The following UMAD1 variants were observed in gnomAD, a reference collection of about 807,000 sequenced individuals.
The protein encoded by UMAD1 is UBAP1-MVB12-associated (UMA)-domain containing protein 1.
In UMAD1, 8 loss-of-function variants were observed where a neutral mutation model predicts 6.1. That is an observed-to-expected ratio of 1.30 (90% CI 0.76 to 2.35). The LOEUF (loss-of-function observed/expected upper bound fraction) is 2.35. Among genes scored for constraint, UMAD1 ranks in the 30% most tolerant of loss-of-function variants. UMAD1 has a pLI of 0.00. For synonymous variants in UMAD1, 56 were observed against 31.4 expected (o/e 1.78, Z -2.61); for missense variants, 130 against 78.4 (o/e 1.66, Z -2.49).
chr7:7,726,060 C>G (rs1167854376), intron 2 of UMAD1, among the ~76,000 whole-genome samples: 2 of 152,216 alleles, frequency 1.3e-5, no homozygotes, highest in African/African-American at 2.4e-5. Flanking sequence ...TGTACTGATT[C>G]ATGGGCTGTA....
At chr7:7,863,470 G>A (rs936841310) in intron 3 of UMAD1, among the ~76,000 whole-genome samples, 7 of 152,198 alleles carry the variant, frequency 4.6e-5, no homozygotes, top group Admixed American at 3.3e-4. Flanking sequence ...ATGTTGTTTC[G>A]TATAGTACTA....
At chr7:7,677,083 T>A (rs1779759344) in intron 2 of UMAD1, among the ~76,000 whole-genome samples, 1 of 152,144 alleles carries the variant, frequency 6.6e-6, no homozygotes, top group Non-Finnish European at 1.5e-5. Flanking sequence ...CTTGCACACA[T>A]CTGTTTTGTT....
intron 1 of UMAD1, among the ~76,000 whole-genome samples, chr7:7,664,360 C>T (rs560378525): frequency 6.6e-6 from 1 of 152,288 alleles, no homozygotes; most frequent in East Asian, 1.9e-4. Context: ...CTCTAGCATG[C>T]TATTTTACAT....
chr7:7,825,747 G>T (rs191608517), intron 3 of UMAD1, among the ~76,000 whole-genome samples: 178 of 152,192 alleles, frequency 1.2e-3, no homozygotes, highest in Non-Finnish European at 1.8e-3. Flanking sequence ...AAGGAAAAAG[G>T]TGTTTGTGAA....
chr7:7,742,107 G>C lies in UMAD1; in HGVS notation c.83-59563G>C, dbSNP rs1457758731. 2.4e-5 allele frequency: 14 copies of C among 590,122 alleles called. No individual in the cohort carries two copies. In the Admixed American group the frequency reaches 2.4e-4, roughly 10 times the overall value. The allele number at this position is 590,122 out of a possible 1,614,324, so 36.6% of individuals were successfully genotyped here. On this transcript the variant is annotated intron_variant, in intron 2 of 3. Transcript: ENST00000682710. ...CGCTTGTTGATATGATGAAAGTTTG[G>C]CAACATCCAAAGCATCGTAATCAGG... is the stretch of plus-strand genomic sequence containing the variant.
rs542446409 is a variant in UMAD1 at position 7,877,616 on chromosome 7, G to A, written c.*78G>A. 1.5e-4 allele frequency: 103 copies of A among 666,594 alleles called. No homozygotes were observed. The highest frequency in any genetic ancestry group is 1.2e-3 in the Middle Eastern group (5 of 4,190). The allele number at this position is 666,594 out of a possible 1,614,324, so 41.3% of individuals were successfully genotyped here. On this transcript the variant is annotated 3_prime_UTR_variant, in exon 4 of 4. Transcript: ENST00000682710. The stretch of plus-strand genomic sequence containing the variant: ...TCTAACCTGTTTGATGTTCTTTGCC[G>A]TTTCACTGTTTAAGGTCCTCAGCAA...
Position 7,801,656 on chromosome 7 carries a change from A to C in UMAD1, c.83-14A>C, listed in dbSNP as rs1339533780. ...GGTCAAGTTTTAAAAATAGACATAT[A>C]TTTTACTTCATAGGAGATACAACAG... On this transcript the variant is annotated splice_polypyrimidine_tract_variant and intron_variant, in intron 2 of 3. Transcript: ENST00000682710. The C allele has an allele frequency of 2.8e-6, 2 of 715,726 alleles. No individual in the cohort carries two copies. Among genetic ancestry groups the C allele is most frequent in the Admixed American group, 4.0e-5 (2 of 49,386 alleles). 44.3% of individuals were successfully genotyped at this position (715,726 alleles called of 1,614,324 possible).
chr7:7,702,791 G>A (rs1277394878), intron 2 of UMAD1, among the ~76,000 whole-genome samples: 1 of 150,722 alleles, frequency 6.6e-6, no homozygotes, highest in Non-Finnish European at 1.5e-5. Context: ...GGTTTTTGTT[G>A]TTGTTGTTGT....
chr7:7,652,330 T>C (rs1785241687), intron 1 of UMAD1, among the ~76,000 whole-genome samples: 1 of 152,240 alleles, frequency 6.6e-6, no homozygotes, highest in African/African-American at 2.4e-5. Context: ...GAAGTTTGAC[T>C]CAGACTTTGA....
intron 3 of UMAD1, among the ~76,000 whole-genome samples, chr7:7,810,331 C>G (rs1782998327): frequency 3.3e-5 from 5 of 151,968 alleles, no homozygotes; most frequent in Admixed American, 3.3e-4. Flanking sequence ...TGTTAATATA[C>G]TTTGACAGTA....
chr7:7,838,027 A>G (rs1308873991), intron 3 of UMAD1, among the ~76,000 whole-genome samples: 3 of 152,184 alleles, frequency 2.0e-5, no homozygotes, highest in African/African-American at 7.2e-5. Context: ...ACAGACTAAA[A>G]TTATATAAAG....
intron 2 of UMAD1, among the ~76,000 whole-genome samples, chr7:7,762,076 A>G (rs1371942675): frequency 6.6e-6 from 1 of 152,214 alleles, no homozygotes; most frequent in African/African-American, 2.4e-5. Flanking sequence ...AGAAAGTAGA[A>G]ACCTATCCTA....
chr7:7,813,483 C>T (rs1021140074), intron 3 of UMAD1, among the ~76,000 whole-genome samples: 1 of 152,182 alleles, frequency 6.6e-6, no homozygotes, highest in Non-Finnish European at 1.5e-5. Flanking sequence ...GGATTACAGG[C>T]ATGAGTGACT....
At chr7:7,806,266 C>G (rs978215522) in intron 3 of UMAD1, among the ~76,000 whole-genome samples, 1 of 151,286 alleles carries the variant, frequency 6.6e-6, no homozygotes, top group African/African-American at 2.4e-5. Context: ...TACTTCCCCC[C>G]TCTAAAATCC....
chr7:7,788,871 T>C (rs1020079685), intron 2 of UMAD1, among the ~76,000 whole-genome samples: 3 of 152,244 alleles, frequency 2.0e-5, no homozygotes, highest in Admixed American at 6.5e-5. Context: ...CTAGGTATTT[T>C]GCTCTAGATC....
At chr7:7,861,444 G>A (rs1784113952) in intron 3 of UMAD1, among the ~76,000 whole-genome samples, 1 of 152,142 alleles carries the variant, frequency 6.6e-6, no homozygotes, top group Non-Finnish European at 1.5e-5. Flanking sequence ...ATAACCTTTT[G>A]CAAGTGAGAG....
rs188037042 is a variant in UMAD1, at chr7:7,831,440, T to C, written c.156+29697T>C. On this transcript the variant is annotated intron_variant, in intron 3 of 3. Transcript: ENST00000682710. ...TGTTAGCTCCATTCTGGAGCCTGTC[T>C]TTCTGGGTACCTTTCAATGAAAGAA... is the stretch of plus-strand genomic sequence containing the variant. 9.3e-3 allele frequency among the ~76,000 whole-genome samples: 1,413 copies of C among 152,348 alleles called. 13 individuals carry two copies. The highest frequency in any genetic ancestry group is 0.041 in the Middle Eastern group (12 of 294).
chr7:7,708,260 C>G (rs1780655911), intron 2 of UMAD1, among the ~76,000 whole-genome samples: 1 of 152,132 alleles, frequency 6.6e-6, no homozygotes, highest in Non-Finnish European at 1.5e-5. Context: ...TAAAATGAAT[C>G]TTTTCTTCGT....
intron 1 of UMAD1, among the ~76,000 whole-genome samples, chr7:7,667,505 G>A (rs1779495398): frequency 6.6e-6 from 1 of 152,266 alleles, no homozygotes; most frequent in Admixed American, 6.5e-5. Flanking sequence ...AATATGATGG[G>A]CAGAGGTTGC....
Sources: gnomAD v4.1 joint callset for allele counts (sites outside exome capture counted in the v4.1 genomes callset) on GRCh38, gnomAD v4.1.1 for gene constraint, MANE v1.5 for transcripts, NCBI Gene and HGNC (gene_info 2026-07-23, HGNC 2026-07-21) for gene names.